The following SHTN1 variants were observed in gnomAD, a reference collection of about 807,000 sequenced individuals.
SHTN1 encodes shootin 1, also known as shootin-1.
Under a neutral mutation model 83.1 loss-of-function variants are expected in SHTN1, and 42 were observed. That is an observed-to-expected ratio of 0.51 (90% CI 0.39 to 0.65). The LOEUF (loss-of-function observed/expected upper bound fraction) is 0.65. Ranked by LOEUF, SHTN1 falls within the 30% of genes least tolerant of loss-of-function variation. SHTN1 has a pLI of 0.00. For missense variants in SHTN1, 622 were observed against 737.8 expected, an observed-to-expected ratio of 0.84 and a Z score of 1.82; for synonymous variants, 224 against 247.7, an observed-to-expected ratio of 0.90 and a Z score of 0.90.
At chr10:117,110,636 C>T (rs745892093) in intron 1 of SHTN1, among the ~76,000 whole-genome samples, 2 of 151,776 alleles carry the variant, frequency 1.3e-5, no homozygotes, top group Non-Finnish European at 2.9e-5. Context: ...GCTAGGATTA[C>T]AGGTGTGAGC....
chr10:117,040,946 T>C (rs968935818), intron 2 of SHTN1, among the ~76,000 whole-genome samples: 1 of 151,904 alleles, frequency 6.6e-6, no homozygotes, highest in African/African-American at 2.4e-5. Flanking sequence ...TTTTATTTTA[T>C]CTTAAAATTT....
At position 117,024,698 on chromosome 10, in the gene SHTN1, G is replaced by T. The variant is rs191107062; in HGVS notation, c.-123+23747C>A. On this transcript the variant is annotated intron_variant, in intron 2 of 17. Coordinates refer to the SHTN1 transcript ENST00000392901. The stretch of plus-strand genomic sequence containing the variant: ...CCTTAAAGAAAAAAAAGGATCATCA[G>T]CAAATATTGAACTATAGTTGAGCTA... 1.2e-4 allele frequency among the ~76,000 whole-genome samples: 18 copies of T among 152,266 alleles called. No homozygotes were observed. The East Asian group carries it at 2.5e-3, about 21-fold the overall frequency.
chr10:117,076,346 C>T (rs1412199764), intron 1 of SHTN1, among the ~76,000 whole-genome samples: 4 of 152,004 alleles, frequency 2.6e-5, no homozygotes, highest in African/African-American at 4.8e-5. Context: ...TGGAGCTGTC[C>T]GCTAGAGTGC....
intron 1 of SHTN1, among the ~76,000 whole-genome samples, chr10:117,118,363 C>CAAAAAAAAAAAAAAAAAAAAAAAAAAA: frequency 8.4e-6 from 1 of 118,456 alleles, no homozygotes; most frequent in African/African-American, 3.3e-5. Flanking sequence ...TAATCCATTT[C>CAAAAAAAAAAAAAAAAAAAAAAAAAAA]AAAAAAAAAA....
intron 7 of SHTN1, among the ~76,000 whole-genome samples, chr10:116,945,282 A>T (rs1406848807): frequency 6.6e-6 from 1 of 152,230 alleles, no homozygotes; most frequent in Non-Finnish European, 1.5e-5. Flanking sequence ...GCATATACAG[A>T]CATTTGGTTG....
At chr10:117,096,837 G>T (rs1356488064) in intron 1 of SHTN1, among the ~76,000 whole-genome samples, 1 of 152,142 alleles carries the variant, frequency 6.6e-6, no homozygotes, top group East Asian at 1.9e-4. Flanking sequence ...GGACACCTTG[G>T]TGTGAAAAAC....
chr10:117,113,432 A>G (rs979195731), intron 1 of SHTN1, among the ~76,000 whole-genome samples: 5 of 152,186 alleles, frequency 3.3e-5, no homozygotes, highest in African/African-American at 1.2e-4. Context: ...GACATGACCA[A>G]CTGCTGAAGC....
rs184935551 is a variant in SHTN1 at position 116,940,737 on chromosome 10, A to G, written c.712-125T>C. On this transcript the variant is annotated intron_variant, in intron 8 of 16. Coordinates refer to ENST00000355371, the MANE Select transcript of SHTN1 (RefSeq NM_001127211.3). ...TCATTAAAGGCAAATTCTGACTTCT[A>G]TAAGTTTTAGAAGTAGTGATTGCTA... The G allele has an allele frequency of 4.4e-4, 305 of 700,934 alleles. 1 individual carries two copies. Among genetic ancestry groups the G allele is most frequent in the African/African-American group, 4.3e-3 (238 of 55,076 alleles). The allele number at this position is 700,934 out of a possible 1,614,324, so 43.4% of individuals were successfully genotyped here. A position where few individuals can be genotyped will look rare whatever the true frequency, so the allele number is the denominator to read the frequency against.
chr10:117,098,528 G>A (rs1678058), intron 1 of SHTN1, among the ~76,000 whole-genome samples: 4,523 of 151,948 alleles, frequency 0.03, 248 homozygotes, highest in African/African-American at 0.1. Context: ...AGTGACGGCA[G>A]CCCTGATTTG....
At chr10:116,911,484 C>G in intron 14 of SHTN1, 1 of 1,550,392 alleles carries the variant, frequency 6.4e-7, no homozygotes. Flanking sequence ...TGTACGGACC[C>G]TTACATATGG....
rs368892023 is a variant in SHTN1, at chr10:116,995,991, C to T, written c.58+9031G>A. 3.9e-5 allele frequency among the ~76,000 whole-genome samples: 6 copies of T among 152,214 alleles called. No individual in the cohort carries two copies. In the East Asian group the frequency reaches 9.7e-4, roughly 25 times the overall value. On this transcript the variant is annotated intron_variant, in intron 1 of 16. Transcript: ENST00000355371. ...AGGAGGCATTTTTGTAAGCCTAATC[C>T]GAGATTCCTTATGAAGAGTTCCAGC... is the stretch of plus-strand genomic sequence containing the variant.
At chr10:116,950,626 T>C (rs544586028) in intron 6 of SHTN1, among the ~76,000 whole-genome samples, 194 of 152,290 alleles carry the variant, frequency 1.3e-3, no homozygotes, top group African/African-American at 4.5e-3. Context: ...ACAAAGATAA[T>C]GGTCCTGAAA....
intron 1 of SHTN1, among the ~76,000 whole-genome samples, chr10:117,101,615 C>T (rs1853595848): frequency 6.6e-6 from 1 of 152,118 alleles, no homozygotes; most frequent in African/African-American, 2.4e-5. Flanking sequence ...GAACAGGGGT[C>T]AGTGGGTAAA....
intron 1 of SHTN1, among the ~76,000 whole-genome samples, chr10:117,089,404 A>G (rs2133619011): frequency 6.6e-6 from 1 of 152,320 alleles, no homozygotes; most frequent in Middle Eastern, 3.4e-3. Context: ...AAAAGTAACA[A>G]AAAATCACCA....
chr10:117,121,383 G>C (rs772002385), intron 1 of SHTN1, among the ~76,000 whole-genome samples: 1 of 151,558 alleles, frequency 6.6e-6, no homozygotes, highest in Non-Finnish European at 1.5e-5. Flanking sequence ...TTCAAGACCA[G>C]CCTGGCCAAC....
intron 16 of SHTN1, among the ~76,000 whole-genome samples, chr10:116,896,717 C>A (rs974226330): frequency 6.6e-6 from 1 of 151,868 alleles, no homozygotes; most frequent in African/African-American, 2.4e-5. Context: ...CCGAAGCAGT[C>A]GTCTCATCTT....
chr10:117,077,957 G>A (rs1407023688), intron 1 of SHTN1, among the ~76,000 whole-genome samples: 4 of 152,104 alleles, frequency 2.6e-5, no homozygotes, highest in African/African-American at 9.7e-5. Flanking sequence ...CAAACCACCC[G>A]CAACAATTTA....
At chr10:116,921,175 TAC>T (rs1329884525) in intron 12 of SHTN1, among the ~76,000 whole-genome samples, 1 of 152,166 alleles carries the variant, frequency 6.6e-6, no homozygotes, top group African/African-American at 2.4e-5. Flanking sequence ...CTCTTTCCTG[TAC>T]ACTCCAAGGT....
intron 1 of SHTN1, among the ~76,000 whole-genome samples, chr10:117,123,749 AC>A (rs1179586389): frequency 6.6e-6 from 1 of 151,122 alleles, no homozygotes; most frequent in East Asian, 1.9e-4. Context: ...TACTAAAAAT[AC>A]AAAAAAAAAT....
Sources: allele counts gnomAD v4.1 joint callset (sites outside exome capture counted in the v4.1 genomes callset), GRCh38; gene constraint gnomAD v4.1.1; transcripts MANE v1.5; gene names NCBI Gene and HGNC (gene_info 2026-07-23, HGNC 2026-07-21).